DLD: variants seen among roughly 807,000 people sequenced by gnomAD.
The protein encoded by DLD is dihydrolipoamide dehydrogenase, also known as dihydrolipoyl dehydrogenase, mitochondrial.
A neutral mutation model predicts 62.2 loss-of-function variants in DLD; 36 were observed. The observed-to-expected ratio is 0.58, with a 90% CI of 0.44 to 0.76. DLD has a LOEUF of 0.76. Ranked by LOEUF, DLD falls within the 30% of genes least tolerant of loss-of-function variation. The pLI, the probability that DLD is intolerant of heterozygous loss-of-function variation, is 0.00. For synonymous variants in DLD, 204 were observed against 199.6 expected (o/e 1.02, Z -0.19); for missense variants, 541 against 608.6 (o/e 0.89, Z 1.17).
At chr7:107,903,646 T>C in intron 5 of DLD, 99 bp downstream of exon 5, 1 of 666,878 alleles carries the variant, frequency 1.5e-6, no homozygotes, top group Admixed American at 2.4e-5. Flanking sequence ...TAATAGATGT[T>C]TAGTGAAGGA....
intron 2 of DLD, among the ~76,000 whole-genome samples, chr7:107,894,063 T>C (rs916804797): frequency 6.6e-6 from 1 of 152,206 alleles, no homozygotes; most frequent in Middle Eastern, 3.2e-3. Context: ...AAGCTATGGG[T>C]CATGGAATTT....
At chr7:107,909,986 G>A (rs1020909316) in intron 8 of DLD, among the ~76,000 whole-genome samples, 8 of 151,776 alleles carry the variant, frequency 5.3e-5, no homozygotes, top group African/African-American at 1.9e-4. Flanking sequence ...CTGAGTAGCT[G>A]GGATTACAGG....
intron 1 of DLD, among the ~76,000 whole-genome samples, chr7:107,891,872 AGGT>A (rs1439972084): frequency 6.6e-6 from 1 of 152,208 alleles, no homozygotes; most frequent in East Asian, 1.9e-4. Context: ...TAATTGCAGC[AGGT>A]TATCAGAACA....
intron 2 of DLD, among the ~76,000 whole-genome samples, chr7:107,899,768 G>C (rs2031830177): frequency 6.6e-6 from 1 of 151,640 alleles, no homozygotes; most frequent in East Asian, 1.9e-4. Context: ...AGTTCTCTCT[G>C]GGCTGTATGG....
At chr7:107,915,839 A>G (rs2032256044) in intron 9 of DLD, 143 bp downstream of exon 9, 2 of 682,438 alleles carry the variant, frequency 2.9e-6, no homozygotes, top group Non-Finnish European at 4.9e-6. Flanking sequence ...TTGCTTATCA[A>G]ATTATTGCAT....
chr7:107,902,521 G>T, intron 4 of DLD, 128 bp downstream of exon 4: 1 of 828,144 alleles, frequency 1.2e-6, no homozygotes, highest in South Asian at 1.4e-5. Context: ...ATTTCACACA[G>T]AGAAAAAAAA....
intron 12 of DLD, 75 bp downstream of exon 12, chr7:107,918,136 T>A (rs2032317162): frequency 1.9e-6 from 3 of 1,559,586 alleles, no homozygotes; most frequent in Non-Finnish European, 1.8e-6. Flanking sequence ...ATAAACCACC[T>A]GGTGTTAGTC....
At chr7:107,907,345 A>G (rs1438265306) in intron 8 of DLD, among the ~76,000 whole-genome samples, 1 of 152,152 alleles carries the variant, frequency 6.6e-6, no homozygotes, top group Non-Finnish European at 1.5e-5. Context: ...CTGACAGTTT[A>G]TTATTTCCTA....
At position 107,905,038 on chromosome 7, in the gene DLD, C is replaced by A; in HGVS notation, c.418C>A (p.His140Asn). The A allele has an allele frequency of 6.2e-7, 1 of 1,610,020 alleles. No individual in the cohort carries two copies. The highest frequency in any genetic ancestry group is 8.5e-7 in the Non-Finnish European group (1 of 1,176,738). The change falls in exon 6 of 14, where the codon CAC (histidine) becomes AAC (asparagine). Residue 140 changes from histidine (H) to asparagine (N), a missense_variant. Coordinates refer to ENST00000205402, the MANE Select transcript of DLD (RefSeq NM_000108.5). ...AAAAGCTTTAACAGGTGGAATTGCC[C>A]ACTTATTCAAACAGAATAAGGTCAG... ...AVKALTGGIA[H>N]LFKQNKVVHV... is the part of the protein sequence containing the mutation.
intron 8 of DLD, 151 bp from the exon 9 acceptor site, chr7:107,915,355 T>G (rs891293350): frequency 4.0e-6 from 3 of 748,750 alleles, no homozygotes; most frequent in Non-Finnish European, 4.4e-6. Flanking sequence ...TTATACATAT[T>G]TAACACAGGG....
At chr7:107,893,344 A>G (rs2031638840) in intron 2 of DLD, 66 bp downstream of exon 2, 13 of 1,197,154 alleles carry the variant, frequency 1.1e-5, no homozygotes, top group Non-Finnish European at 1.3e-5. Context: ...TTTCAATGTA[A>G]AAGCAAGTGA....
chr7:107,891,732 T>G (rs1562908521), intron 1 of DLD: 1 of 252,752 alleles, frequency 4.0e-6, no homozygotes, highest in Non-Finnish European at 7.8e-6. Flanking sequence ...TGGGGTCACT[T>G]CTTGAATGGT....
At chr7:107,908,534 G>A (rs1175045646) in intron 8 of DLD, among the ~76,000 whole-genome samples, 1 of 151,902 alleles carries the variant, frequency 6.6e-6, no homozygotes, top group Non-Finnish European at 1.5e-5. Context: ...TGGGCATGGT[G>A]GTGTGTGCCT....
At chr7:107,900,166 T>C (rs1378615003) in intron 2 of DLD, among the ~76,000 whole-genome samples, 1 of 152,068 alleles carries the variant, frequency 6.6e-6, no homozygotes, top group Non-Finnish European at 1.5e-5. Flanking sequence ...AATCTAGTAT[T>C]TTCATTTATT....
rs1286488257 is a variant in DLD, at chr7:107,919,467, T to C, written c.*208T>C. ...AGTATTTTGTTTCAGTGCACTAATGTGTAAGACAAAAAGCTACTTATTGTA... is the reference window on the plus strand; with the variant it reads ...AGTATTTTGTTTCAGTGCACTAATGCGTAAGACAAAAAGCTACTTATTGTA... On this transcript the variant is annotated 3_prime_UTR_variant, in exon 14 of 14. Transcript: ENST00000205402. The C allele has an allele frequency of 8.8e-6, 4 of 452,878 alleles. No homozygotes were observed. Among genetic ancestry groups the C allele is most frequent in the African/African-American group, 2.0e-5 (1 of 50,424 alleles). The allele number at this position is 452,878 out of a possible 1,614,324, so 28.1% of individuals were successfully genotyped here. A position where few individuals can be genotyped will look rare whatever the true frequency, so the allele number is the denominator to read the frequency against.
At position 107,905,408 on chromosome 7, in the gene DLD, C is replaced by T; in HGVS notation, c.486C>T (p.Val162=). Residue 162 remains valine (V), a synonymous_variant, in exon 7 of 14, where the codon GTC becomes GTT. Coordinates refer to ENST00000205402, the MANE Select transcript of DLD (RefSeq NM_000108.5). ...GYGKITGKNQ[V]TATKADGGTQ... is the part of the protein sequence containing the mutation. ...GAAAGATAACTGGCAAAAATCAAGT[C>T]ACTGCTACGAAAGCTGATGGCGGCA... 6.2e-7 allele frequency: 1 copy of T among 1,613,732 alleles called. No individual in the cohort carries two copies. Among genetic ancestry groups the T allele is most frequent in the Non-Finnish European group, 8.5e-7 (1 of 1,179,752 alleles).
At chr7:107,904,633 C>T (rs192565892) in intron 5 of DLD, 68 of 462,684 alleles carry the variant, frequency 1.5e-4, no homozygotes, top group African/African-American at 9.6e-4. Flanking sequence ...TGATGTTTTA[C>T]TTTGTCATTT....
chr7:107,916,732 T>C, intron 9 of DLD, 62 bp from the exon 10 acceptor site: 2 of 1,527,498 alleles, frequency 1.3e-6, no homozygotes, highest in Non-Finnish European at 1.8e-6. Flanking sequence ...TGGCCTTAAA[T>C]TTCTAAGCCT....
chr7:107,897,266 A>C (rs1009684937), intron 2 of DLD, among the ~76,000 whole-genome samples: 3 of 152,152 alleles, frequency 2.0e-5, no homozygotes, highest in African/African-American at 7.2e-5. Context: ...ATTTTAGTTG[A>C]AGTTCTTGAT....
Sources: allele counts gnomAD v4.1 joint callset (sites outside exome capture counted in the v4.1 genomes callset), GRCh38; gene constraint gnomAD v4.1.1; transcripts MANE v1.5; gene names NCBI Gene and HGNC (gene_info 2026-07-23, HGNC 2026-07-21).